Variants in FMR1NB observed in about 807,000 individuals in gnomAD.
FMR1NB encodes FMR1 neighbor.
Under a neutral mutation model 16.8 loss-of-function variants are expected in FMR1NB, and 10 were observed. The observed-to-expected ratio is 0.60, with a 90% CI of 0.37 to 1.01. FMR1NB has a LOEUF of 1.01. Ranked by LOEUF, FMR1NB falls within the 50% of genes least tolerant of loss-of-function variation. FMR1NB has a pLI of 0.01. For missense variants in FMR1NB, 205 were observed against 204.8 expected, an observed-to-expected ratio of 1.00 and a Z score of 0.00; for synonymous variants, 83 against 79.1, an observed-to-expected ratio of 1.05 and a Z score of -0.26.
At chrX:148,006,340 T>C (rs976997687) in intron 2 of FMR1NB, among the ~76,000 whole-genome samples, 2 of 112,070 alleles carry the variant, frequency 1.8e-5, no homozygotes, top group East Asian at 2.8e-4. Flanking sequence ...GGAGGATATA[T>C]GTGGGATCAT....
At position 148,003,205 on chromosome X, in the gene FMR1NB, C is replaced by T; in HGVS notation, c.282C>T (p.Ser94=). 1 of 1,206,664 alleles carries T rather than the reference C, an allele frequency of 8.3e-7. No homozygotes were observed. Among genetic ancestry groups the T allele is most frequent in the Non-Finnish European group, 1.1e-6 (1 of 892,634 alleles). The change falls in exon 2 of 6, where the codon TCC becomes TCT. Residue 94 remains serine (S), a synonymous_variant. Transcript: ENST00000370467. ...YYLSYYLCSG[S]SYFVLANGHI... is the part of the protein sequence containing the mutation. ...ATAATTTTACTTCTTCTTAAGGGTCCTCATATTTTGTGCTTGCAAATGGAC... is the reference window on the plus strand; with the variant it reads ...ATAATTTTACTTCTTCTTAAGGGTCTTCATATTTTGTGCTTGCAAATGGAC...
intron 1 of FMR1NB, among the ~76,000 whole-genome samples, chrX:147,993,593 C>T (rs994066961): frequency 9.0e-6 from 1 of 110,640 alleles, no homozygotes; most frequent in Non-Finnish European, 1.9e-5. Context: ...GAGCCCTTTT[C>T]TCCTCTCTTA....
intron 4 of FMR1NB, among the ~76,000 whole-genome samples, chrX:148,021,810 C>A (rs1557190610): frequency 9.0e-6 from 1 of 110,696 alleles, no homozygotes; most frequent in Admixed American, 9.7e-5. Context: ...TTCATTTTTG[C>A]TGAACCTGTT....
intron 4 of FMR1NB, among the ~76,000 whole-genome samples, chrX:148,009,179 G>A (rs186108891): frequency 6.3e-5 from 7 of 111,189 alleles, no homozygotes; most frequent in East Asian, 2.8e-4. Context: ...GTGAAAATAC[G>A]TCTCAAAAAT....
chrX:148,002,363 G>T (rs1414409683), intron 1 of FMR1NB, among the ~76,000 whole-genome samples: 1 of 111,660 alleles, frequency 9.0e-6, no homozygotes, highest in Non-Finnish European at 1.9e-5. Context: ...GCACTTGCCT[G>T]TACTACTGGT....
intron 1 of FMR1NB, 118 bp downstream of exon 1, chrX:147,981,797 C>A (rs1288299328): frequency 1.7e-5 from 14 of 829,970 alleles, no homozygotes; most frequent in Non-Finnish European, 1.2e-5. Context: ...CCCTTCCTGT[C>A]CTCTCTCCTC....
At chrX:148,014,025 T>C (rs1346505260) in intron 4 of FMR1NB, among the ~76,000 whole-genome samples, 3 of 111,782 alleles carry the variant, frequency 2.7e-5, no homozygotes, top group Non-Finnish European at 5.6e-5. Context: ...TATTGTAATT[T>C]AGTACCAGCC....
chrX:147,994,903 C>T lies in FMR1NB; in HGVS notation c.278-8298C>T, dbSNP rs561729445. Among the ~76,000 whole-genome samples the T allele has an allele frequency of 2.7e-4, 30 of 112,067 alleles. No individual in the cohort carries two copies. In the South Asian group the frequency reaches 0.011, roughly 42 times the overall value. On this transcript the variant is annotated intron_variant, in intron 1 of 5. Transcript: ENST00000370467. ...CACTTGTTATGGGTTGAATTGTGTT[C>T]CCTCACCAAAAACAGTTGCAATTAT... is the stretch of plus-strand genomic sequence containing the variant.
At position 148,024,857 on chromosome X, in the gene FMR1NB, T is replaced by G; in HGVS notation, c.633-8T>G. On this transcript the variant is annotated splice_polypyrimidine_tract_variant and splice_region_variant and intron_variant, in intron 4 of 5. Transcript: ENST00000370467. ...AATAAGGTTTCACTTGAACTTTTTA[T>G]GTTACAGCGAACCGGCCGATGATTT... The G allele has an allele frequency of 8.3e-7, 1 of 1,208,789 alleles. No homozygotes were observed. The highest frequency in any genetic ancestry group is 1.1e-6 in the Non-Finnish European group (1 of 893,688).
rs139398481 is a variant in FMR1NB at position 147,998,651 on chromosome X, C to T, written c.278-4550C>T. 3.5e-4 allele frequency among the ~76,000 whole-genome samples: 39 copies of T among 112,513 alleles called. No homozygotes were observed. The East Asian group carries it at 9.3e-3, about 27-fold the overall frequency. On this transcript the variant is annotated intron_variant, in intron 1 of 5. Transcript: ENST00000370467. ...TTGCCCTATGGCAAGTGATGTCAGC[C>T]GTGTTTGGTGTCATGGTAGGTTTGA...
intron 4 of FMR1NB, among the ~76,000 whole-genome samples, chrX:148,012,204 A>T (rs1457278719): frequency 0.034 from 2 of 59 alleles, no homozygotes. Context: ...AGGTGGCTGA[A>T]TTGTTCTTAT....
At chrX:147,992,777 TGG>T (rs1219202983) in intron 1 of FMR1NB, among the ~76,000 whole-genome samples, 1 of 65,050 alleles carries the variant, frequency 1.5e-5, no homozygotes, top group Non-Finnish European at 2.7e-5. Flanking sequence ...ACATCCCAGA[TGG>T]GGTGGCGGGG....
intron 4 of FMR1NB, among the ~76,000 whole-genome samples, chrX:148,019,481 C>T (rs781951907): frequency 5.4e-5 from 6 of 111,726 alleles, no homozygotes; most frequent in Non-Finnish European, 9.4e-5. Context: ...TTGTCTGTGT[C>T]TGGGCATTGA....
intron 4 of FMR1NB, among the ~76,000 whole-genome samples, chrX:148,019,847 G>A (rs1315130905): frequency 1.2e-4 from 13 of 111,688 alleles, no homozygotes; most frequent in African/African-American, 4.2e-4. Flanking sequence ...ACTGCACTAG[G>A]GCAGACCTTA....
chrX:147,994,336 G>T (rs2044530849), intron 1 of FMR1NB, among the ~76,000 whole-genome samples: 1 of 112,033 alleles, frequency 8.9e-6, no homozygotes, highest in African/African-American at 3.2e-5. Flanking sequence ...TTTTTGTGAG[G>T]AATGAAATTC....
At chrX:148,002,023 C>T (rs1319355424) in intron 1 of FMR1NB, among the ~76,000 whole-genome samples, 2 of 110,709 alleles carry the variant, frequency 1.8e-5, no homozygotes, top group African/African-American at 3.3e-5. Flanking sequence ...TTAAAAAGTA[C>T]AACCATGAAA....
At chrX:148,005,102 A>G (rs1191818085) in intron 2 of FMR1NB, among the ~76,000 whole-genome samples, 6 of 111,880 alleles carry the variant, frequency 5.4e-5, no homozygotes, top group Non-Finnish European at 1.1e-4. Context: ...GTTGGCCAGG[A>G]CGGTCTCGAT....
At position 148,013,061 on chromosome X, in the gene FMR1NB, G is replaced by T. The variant is rs1557189779; in HGVS notation, c.632+4350G>T. 3.6e-5 allele frequency among the ~76,000 whole-genome samples: 4 copies of T among 111,411 alleles called. No homozygotes were observed. The South Asian group carries it at 1.5e-3, about 42-fold the overall frequency. On this transcript the variant is annotated intron_variant, in intron 4 of 5. Transcript: ENST00000370467. ...GTCAGATGAGAATGTGAGCAAACTG[G>T]AACTCTGTTCTAGCATGAGTCACTA...
chrX:148,004,949 G>A (rs1364204158), intron 2 of FMR1NB, among the ~76,000 whole-genome samples: 1 of 112,543 alleles, frequency 8.9e-6, no homozygotes, highest in Non-Finnish European at 1.9e-5. Flanking sequence ...GAGTGCAGTG[G>A]CACAATCTCG....
Sources: allele counts gnomAD v4.1 joint callset (sites outside exome capture counted in the v4.1 genomes callset), GRCh38; gene constraint gnomAD v4.1.1; transcripts MANE v1.5; gene names NCBI Gene and HGNC (gene_info 2026-07-23, HGNC 2026-07-21).